Variants in DNAH6 observed in about 807,000 individuals in gnomAD.
DNAH6 encodes axonemal beta dynein heavy chain 6.
DNAH6 carries 340 observed loss-of-function variants against 491.4 expected under a neutral mutation model. That is an observed-to-expected ratio of 0.69 (90% CI 0.63 to 0.76). The LOEUF (loss-of-function observed/expected upper bound fraction) is 0.76. DNAH6 is among the 30% of genes least tolerant of loss of function. The probability of loss-of-function intolerance (pLI) is 0.00; values close to 1 mark genes in which losing one functional copy is unlikely to be tolerated. For missense variants in DNAH6, 4,443 were observed against 4,972.2 expected (o/e 0.89, Z 3.20); for synonymous variants, 1,603 against 1,686.1 (o/e 0.95, Z 1.21).
chr2:84,510,232 C>CT, the DNAH6 span, among the ~76,000 whole-genome samples: 1 of 152,196 alleles, frequency 6.6e-6, no homozygotes, highest in African/African-American at 2.4e-5. Flanking sequence ...TAGATTTGGT[C>CT]TTTTCACATA....
Position 84,685,358 on chromosome 2 carries a change from G to T in DNAH6, c.6949G>T (p.Glu2317Ter). 1 of 1,518,764 alleles carries T rather than the reference G, an allele frequency of 6.6e-7. No individual in the cohort carries two copies. Among genetic ancestry groups the T allele is most frequent in the Non-Finnish European group, 8.9e-7 (1 of 1,127,776 alleles). 94.1% of individuals were successfully genotyped at this position (1,518,764 alleles called of 1,614,324 possible). A position where few individuals can be genotyped will look rare whatever the true frequency, so the allele number is the denominator to read the frequency against. ...ILQCDPGTIR[E>*]EIQIFRLFCH... is the part of the protein sequence containing the mutation. The stretch of plus-strand genomic sequence containing the variant: ...CCAATGTGATCCAGGAACAATAAGA[G>T]AAGAAATTCAGATATTTAGACTCTT... The change falls in exon 43 of 77, where the codon GAA (glutamate) becomes TAA (stop). Residue 2317 changes from glutamate (E) to a stop codon, truncating the protein, a stop_gained. Transcript: ENST00000389394. LOFTEE classifies it high-confidence loss of function.
the DNAH6 span, among the ~76,000 whole-genome samples, chr2:84,464,481 A>G: frequency 0.011 from 1,682 of 152,322 alleles, 28 homozygotes; most frequent in African/African-American, 0.039. Context: ...AATTCAGGGC[A>G]AGTCCACAGG....
chr2:84,674,217 A>G (rs1693012494), intron 40 of DNAH6, among the ~76,000 whole-genome samples: 1 of 152,218 alleles, frequency 6.6e-6, no homozygotes. Context: ...CAAGAAATAG[A>G]CCAAGAGTAT....
intron 11 of DNAH6, among the ~76,000 whole-genome samples, chr2:84,571,248 A>C (rs1681830884): frequency 6.6e-6 from 1 of 152,230 alleles, no homozygotes; most frequent in African/African-American, 2.4e-5. Context: ...ATCAGCAATC[A>C]CCAAGAATCT....
intron 75 of DNAH6, among the ~76,000 whole-genome samples, chr2:84,814,979 C>G (rs958078366): frequency 6.6e-5 from 10 of 152,238 alleles, no homozygotes; most frequent in African/African-American, 2.4e-4. Flanking sequence ...AGCTTTATCT[C>G]TGTTGCAAAC....
chr2:84,722,483 C>T lies in DNAH6; in HGVS notation c.9793-142C>T, dbSNP rs1042837095. 4 of 624,956 alleles carry T rather than the reference C, an allele frequency of 6.4e-6. No homozygotes were observed. In the East Asian group the frequency reaches 9.4e-5, roughly 15 times the overall value. The allele number at this position is 624,956 out of a possible 1,614,324, so 38.7% of individuals were successfully genotyped here. On this transcript the variant is annotated intron_variant, in intron 59 of 76. Transcript: ENST00000389394. The stretch of plus-strand genomic sequence containing the variant: ...AGGTCACTGAGCCCTGAGACTCAGT[C>T]GTTCCACCTGGGGACCCCTTATTAT...
the DNAH6 span, among the ~76,000 whole-genome samples, chr2:84,499,878 A>G: frequency 1.2e-5 from 1 of 86,696 alleles, no homozygotes; most frequent in Non-Finnish European, 2.2e-5. Flanking sequence ...TTTTTTGATC[A>G]GGTTATTAGT....
chr2:84,677,145 C>T lies in DNAH6; in HGVS notation c.6744+9C>T, dbSNP rs749373725. 39 of 1,551,360 alleles carry T rather than the reference C, an allele frequency of 2.5e-5. No homozygotes were observed. Among genetic ancestry groups the T allele is most frequent in the Admixed American group, 9.8e-5 (5 of 50,968 alleles). ...TGAAACAGATTTTTCAGGTGAGTGT[C>T]GATTTTAACTTAGGCAACAGGAGGA... On this transcript the variant is annotated intron_variant, in intron 41 of 76. Coordinates refer to ENST00000389394, the MANE Select transcript of DNAH6 (RefSeq NM_001370.2).
chr2:84,781,712 T>A, intron 65 of DNAH6, 59 bp downstream of exon 65: 1 of 1,476,530 alleles, frequency 6.8e-7, no homozygotes, highest in Non-Finnish European at 9.1e-7. Flanking sequence ...CTTTTCTTGT[T>A]GAATTCATTC....
Position 84,705,699 on chromosome 2 carries a change from A to C in DNAH6, c.8679A>C (p.Arg2893=), listed in dbSNP as rs761750221. 1.3e-6 allele frequency: 2 copies of C among 1,551,668 alleles called. No homozygotes were observed. Among genetic ancestry groups the C allele is most frequent in the Non-Finnish European group, 1.7e-6 (2 of 1,147,000 alleles). Residue 2893 remains arginine, a synonymous_variant, in exon 52 of 77, where the codon CGA becomes CGC. Coordinates refer to ENST00000389394, the MANE Select transcript of DNAH6 (RefSeq NM_001370.2). ...TAAGAGCTATGGATTTGTACTCTCG[A>C]GTGGTCAAGGTCGTCGAACCAAAAA... ...MWVRAMDLYS[R]VVKVVEPKRQ...
chr2:84,588,624 G>A lies in DNAH6; in HGVS notation c.2482-202G>A, dbSNP rs1460703. Among the ~76,000 whole-genome samples, 6,170 of 152,176 alleles carry A rather than the reference G, an allele frequency of 0.041. 402 individuals carry two copies. The highest frequency in any genetic ancestry group is 0.14 in the African/African-American group (5,780 of 41,474). ...GTTTTAAAACAATTTTATCTCCATG[G>A]CACTTTATATAAATGTGTACTTTTT... On this transcript the variant is annotated intron_variant, in intron 15 of 76. Transcript: ENST00000389394.
At chr2:84,697,434 A>C in intron 46 of DNAH6, 141 bp from the exon 47 acceptor site, 1 of 905,472 alleles carries the variant, frequency 1.1e-6, no homozygotes, top group South Asian at 1.9e-5. Context: ...CTATGTTAGA[A>C]CTTCAGGGTT....
chr2:84,607,795 G>A (rs188312448), intron 21 of DNAH6, among the ~76,000 whole-genome samples: 1 of 152,186 alleles, frequency 6.6e-6, no homozygotes, highest in East Asian at 1.9e-4. Flanking sequence ...TTGATGGGTG[G>A]CTGCTGAAGG....
chr2:84,724,000 G>A (rs1427218956), intron 60 of DNAH6, among the ~76,000 whole-genome samples: 1 of 152,154 alleles, frequency 6.6e-6, no homozygotes, highest in Non-Finnish European at 1.5e-5. Context: ...GGTGCCAGTG[G>A]CCTCTTCTCA....
intron 76 of DNAH6, among the ~76,000 whole-genome samples, chr2:84,816,699 G>A (rs957842562): frequency 1.3e-5 from 2 of 152,154 alleles, no homozygotes; most frequent in African/African-American, 4.8e-5. Context: ...CTCCAGCCTA[G>A]GTAACAAGAG....
At chr2:84,704,822 CT>C (rs1192134500) in intron 51 of DNAH6, among the ~76,000 whole-genome samples, 1 of 152,166 alleles carries the variant, frequency 6.6e-6, no homozygotes, top group East Asian at 1.9e-4. Flanking sequence ...GTGATACAAA[CT>C]TTTTTTCAAT....
At chr2:84,718,444 GC>G in intron 59 of DNAH6, 60 bp downstream of exon 59, 1 of 1,356,092 alleles carries the variant, frequency 7.4e-7, no homozygotes. Flanking sequence ...TATAACTACA[GC>G]CTTTGAGGGT....
chr2:84,550,625 A>C (rs551127857), intron 9 of DNAH6, among the ~76,000 whole-genome samples: 2 of 152,170 alleles, frequency 1.3e-5, no homozygotes, highest in South Asian at 4.1e-4. Flanking sequence ...CTGTCACAGG[A>C]ACTTGCTAAA....
chr2:84,777,939 C>T lies in DNAH6; in HGVS notation c.10704-3554C>T, dbSNP rs563987731. On this transcript the variant is annotated intron_variant, in intron 64 of 76. Coordinates refer to ENST00000389394, the MANE Select transcript of DNAH6 (RefSeq NM_001370.2). ...GGCTGGACCAAATTAAGACGGCTTTCTCCCTCTTGCTCACATGCCCAAGCA... is the reference window on the plus strand; with the variant it reads ...GGCTGGACCAAATTAAGACGGCTTTTTCCCTCTTGCTCACATGCCCAAGCA... 306 of 1,016,946 alleles carry T rather than the reference C, an allele frequency of 3.0e-4. 2 individuals are homozygous for T. The South Asian group carries it at 3.8e-3, about 12-fold the overall frequency. The allele number at this position is 1,016,946 out of a possible 1,614,324, so 63.0% of individuals were successfully genotyped here. A position where few individuals can be genotyped will look rare whatever the true frequency, so the allele number is the denominator to read the frequency against.
Sources: gnomAD v4.1 joint callset for allele counts (sites outside exome capture counted in the v4.1 genomes callset) on GRCh38, gnomAD v4.1.1 for gene constraint, MANE v1.5 for transcripts, NCBI Gene and HGNC (gene_info 2026-07-23, HGNC 2026-07-21) for gene names.